SRGAP1: variants seen among roughly 807,000 people sequenced by gnomAD.
The protein encoded by SRGAP1 is SLIT-ROBO Rho GTPase-activating protein 1.
In SRGAP1, 43 loss-of-function variants were observed where a neutral mutation model predicts 121.9. The observed-to-expected ratio is 0.35, with a 90% CI of 0.28 to 0.46. The LOEUF (loss-of-function observed/expected upper bound fraction) is 0.46. Ranked by LOEUF, SRGAP1 falls within the 20% of genes least tolerant of loss-of-function variation. The probability of loss-of-function intolerance (pLI) is 1.00; values close to 1 mark genes in which losing one functional copy is unlikely to be tolerated. For synonymous variants in SRGAP1, 447 were observed against 485.4 expected, an observed-to-expected ratio of 0.92 and a Z score of 1.04; for missense variants, 1,102 against 1,350.9, an observed-to-expected ratio of 0.82 and a Z score of 2.89.
chr12:63,949,077 TATGTATTTTC>T (rs1475776463), intron 1 of SRGAP1, among the ~76,000 whole-genome samples: 99 of 140,978 alleles, frequency 7.0e-4, no homozygotes, highest in African/African-American at 2.3e-3. Flanking sequence ...ATTTTCCATA[TATGTATTTTC>T]CATATATGTA....
intron 1 of SRGAP1, among the ~76,000 whole-genome samples, chr12:63,926,504 G>A (rs575154266): frequency 6.6e-6 from 1 of 151,808 alleles, no homozygotes; most frequent in Non-Finnish European, 1.5e-5. Flanking sequence ...CTGCCTTCTG[G>A]GTAGGGCTCA....
At chr12:64,123,271 C>T (rs2036631266) in intron 18 of SRGAP1, among the ~76,000 whole-genome samples, 1 of 152,144 alleles carries the variant, frequency 6.6e-6, no homozygotes, top group African/African-American at 2.4e-5. Flanking sequence ...CACTTGAGCC[C>T]AGGAGTTTGG....
At chr12:64,099,667 G>A (rs1215224412) in intron 15 of SRGAP1, among the ~76,000 whole-genome samples, 4 of 152,134 alleles carry the variant, frequency 2.6e-5, no homozygotes, top group African/African-American at 9.7e-5. Flanking sequence ...AAAAGGAGGT[G>A]TTTCACTTCT....
chr12:64,143,292 G>T lies in SRGAP1; in HGVS notation c.*620G>T, dbSNP rs2036998557. On this transcript the variant is annotated 3_prime_UTR_variant, in exon 22 of 22. Transcript: ENST00000355086. ...CCGGGTCCAGCTTAAAGACTCGATG[G>T]AAGGAGGTAGAACCTCTGCTGTTAC... The T allele has an allele frequency of 6.5e-6, 1 of 152,728 alleles. No individual in the cohort carries two copies. The highest frequency in any genetic ancestry group is 6.5e-5 in the Admixed American group (1 of 15,368). 9.5% of individuals were successfully genotyped at this position (152,728 alleles called of 1,614,324 possible).
At chr12:63,888,805 C>T (rs897103805) in intron 1 of SRGAP1, among the ~76,000 whole-genome samples, 1 of 152,146 alleles carries the variant, frequency 6.6e-6, no homozygotes, top group Admixed American at 6.5e-5. Context: ...TGCATTGTAT[C>T]ACAGGTTGGC....
At chr12:64,032,628 T>A in intron 4 of SRGAP1, 1 of 426,806 alleles carries the variant, frequency 2.3e-6, no homozygotes, top group Non-Finnish European at 4.3e-6. Context: ...CAGTCACTTT[T>A]TAAATTCTGG....
At chr12:64,102,230 C>T (rs1490581839) in intron 15 of SRGAP1, among the ~76,000 whole-genome samples, 1 of 152,164 alleles carries the variant, frequency 6.6e-6, no homozygotes, top group Admixed American at 6.5e-5. Flanking sequence ...GCAAAAAACA[C>T]GATTAGTTTT....
At chr12:63,949,674 G>A (rs1377446555) in intron 1 of SRGAP1, among the ~76,000 whole-genome samples, 1 of 151,862 alleles carries the variant, frequency 6.6e-6, no homozygotes, top group South Asian at 2.1e-4. Flanking sequence ...TGATCCGCCC[G>A]CCTCGGCCTC....
chr12:64,129,129 G>C (rs1402181589), intron 21 of SRGAP1, among the ~76,000 whole-genome samples: 1 of 151,902 alleles, frequency 6.6e-6, no homozygotes, highest in Non-Finnish European at 1.5e-5. Flanking sequence ...AATTACCTAG[G>C]TATATTAGGA....
At chr12:63,877,173 G>A (rs1900055473) in intron 1 of SRGAP1, among the ~76,000 whole-genome samples, 1 of 152,274 alleles carries the variant, frequency 6.6e-6, no homozygotes, top group African/African-American at 2.4e-5. Flanking sequence ...TCAGTGAGCC[G>A]AGATTGCGCC....
intron 9 of SRGAP1, among the ~76,000 whole-genome samples, 157 bp downstream of exon 9, chr12:64,079,273 T>TTTAGGAGTTATTTAGGAGTTAGTTAG (rs1036684924): frequency 6.6e-6 from 1 of 151,816 alleles, no homozygotes; most frequent in Admixed American, 6.6e-5. Flanking sequence ...TCGGAAAGAG[T>TTTAGGAGTTATTTAGGAGTTAGTTAG]TTAGGAGTTA....
At chr12:64,031,595 A>G (rs537987571) in intron 4 of SRGAP1, among the ~76,000 whole-genome samples, 8 of 152,256 alleles carry the variant, frequency 5.3e-5, no homozygotes, top group Admixed American at 5.2e-4. Flanking sequence ...AAACTGGAAT[A>G]ACAGTAAGGA....
At chr12:64,126,622 A>T (rs2036691027) in intron 19 of SRGAP1, among the ~76,000 whole-genome samples, 1 of 152,224 alleles carries the variant, frequency 6.6e-6, no homozygotes, top group African/African-American at 2.4e-5. Context: ...ACATGGGAAG[A>T]TAGTCATAAC....
intron 15 of SRGAP1, among the ~76,000 whole-genome samples, chr12:64,098,505 T>C (rs1174012095): frequency 2.0e-5 from 3 of 152,012 alleles, no homozygotes; most frequent in African/African-American, 7.2e-5. Context: ...ACCCCATCTC[T>C]ACTAAAAATA....
intron 16 of SRGAP1, among the ~76,000 whole-genome samples, chr12:64,111,344 G>A (rs2036427305): frequency 6.6e-6 from 1 of 152,068 alleles, no homozygotes; most frequent in Non-Finnish European, 1.5e-5. Flanking sequence ...ATTTATAGGA[G>A]AAAACTAAAA....
intron 11 of SRGAP1, among the ~76,000 whole-genome samples, chr12:64,089,478 T>C (rs1342162450): frequency 6.6e-6 from 1 of 152,216 alleles, no homozygotes; most frequent in Non-Finnish European, 1.5e-5. Context: ...TCCTGAACGT[T>C]GGCCTCCCCG....
At chr12:64,141,082 T>G in intron 21 of SRGAP1, among the ~76,000 whole-genome samples, 1 of 132,136 alleles carries the variant, frequency 7.6e-6, no homozygotes. Context: ...TGAGATCACA[T>G]GGACACAGGA....
At chr12:63,916,234 A>G (rs2030772834) in intron 1 of SRGAP1, among the ~76,000 whole-genome samples, 1 of 152,006 alleles carries the variant, frequency 6.6e-6, no homozygotes, top group Non-Finnish European at 1.5e-5. Flanking sequence ...CATGTTGCCC[A>G]GGCTGGTCTC....
At chr12:63,939,410 A>G (rs892115226) in intron 1 of SRGAP1, among the ~76,000 whole-genome samples, 4 of 152,128 alleles carry the variant, frequency 2.6e-5, no homozygotes, top group East Asian at 1.9e-4. Context: ...TTTGCAATAT[A>G]CTGTTTTTGC....
Sources: gnomAD v4.1 joint callset for allele counts (sites outside exome capture counted in the v4.1 genomes callset) on GRCh38, gnomAD v4.1.1 for gene constraint, MANE v1.5 for transcripts, NCBI Gene and HGNC (gene_info 2026-07-23, HGNC 2026-07-21) for gene names.